The following PCNX1 variants were observed in gnomAD, a reference collection of about 807,000 sequenced individuals.
The protein encoded by PCNX1 is pecanex 1.
A neutral mutation model predicts 242.2 loss-of-function variants in PCNX1; 78 were observed. That is an observed-to-expected ratio of 0.32 (90% CI 0.27 to 0.39). The LOEUF (loss-of-function observed/expected upper bound fraction) is 0.39. Ranked by LOEUF, PCNX1 falls within the 10% of genes least tolerant of loss-of-function variation. PCNX1 has a pLI of 1.00. For synonymous variants in PCNX1, 1,024 were observed against 1,032.9 expected (o/e 0.99, Z 0.17); for missense variants, 2,581 against 2,856.5 (o/e 0.90, Z 2.20).
At chr14:71,036,910 C>A (rs1015519938) in intron 19 of PCNX1, among the ~76,000 whole-genome samples, 1 of 152,102 alleles carries the variant, frequency 6.6e-6, no homozygotes. Context: ...TTTATTCTTC[C>A]TACCCATGAG....
rs1241224113 is a variant in PCNX1 at position 70,962,324 on chromosome 14, G to C, written c.461G>C (p.Ser154Thr). 1 of 1,603,324 alleles carries C rather than the reference G, an allele frequency of 6.2e-7. No homozygotes were observed. Among genetic ancestry groups the C allele is most frequent in the Non-Finnish European group, 8.5e-7 (1 of 1,170,378 alleles). The part of the protein sequence containing the change: ...SRNSYAGLDP[S>T]NQIGSGSSRL... ...AATTCTTATGCCGGTCTAGATCCAA[G>C]CAACCAGGTAGGAACCTGCGCTGTT... Residue 154 changes from serine to threonine, a missense_variant, in exon 3 of 36, where the codon AGC (serine) becomes ACC (threonine). By Grantham distance (58) the Ser-to-Thr change is moderately conservative. Transcript: ENST00000304743.
intron 6 of PCNX1, among the ~76,000 whole-genome samples, chr14:70,979,567 CT>C (rs745355419): frequency 9.2e-5 from 14 of 152,056 alleles, no homozygotes; most frequent in African/African-American, 2.2e-4. Context: ...GCCTCTACCC[CT>C]ATTCCCTTTA....
At chr14:71,102,916 T>C (rs1351591580) in intron 31 of PCNX1, among the ~76,000 whole-genome samples, 3 of 152,190 alleles carry the variant, frequency 2.0e-5, no homozygotes, top group Non-Finnish European at 4.4e-5. Context: ...AGTTAAATAG[T>C]TCATTCTAAC....
Position 70,947,146 on chromosome 14 carries a change from T to C in PCNX1, c.362+23T>C, listed in dbSNP as rs900864114. The C allele has an allele frequency of 4.8e-6, 7 of 1,465,572 alleles. No homozygotes were observed. In the African/African-American group the frequency reaches 8.3e-5, roughly 17 times the overall value. 90.8% of individuals were successfully genotyped at this position (1,465,572 alleles called of 1,614,324 possible). A position where few individuals can be genotyped will look rare whatever the true frequency, so the allele number is the denominator to read the frequency against. On this transcript the variant is annotated intron_variant, in intron 2 of 35. Coordinates refer to ENST00000304743, the MANE Select transcript of PCNX1 (RefSeq NM_014982.3). ...GAGGTAAGGAAACCTATGTCATTGA[T>C]TGATCGTAATGATTTAGATTGTGTT...
At chr14:70,913,505 A>G (rs1025775944) in intron 1 of PCNX1, among the ~76,000 whole-genome samples, 4 of 152,214 alleles carry the variant, frequency 2.6e-5, no homozygotes, top group Admixed American at 2.6e-4. Flanking sequence ...TACATGATAT[A>G]TACAGTAATA....
intron 8 of PCNX1, among the ~76,000 whole-genome samples, chr14:70,997,553 G>T (rs535236752): frequency 6.6e-6 from 1 of 152,102 alleles, no homozygotes; most frequent in Non-Finnish European, 1.5e-5. Flanking sequence ...AACCTCTTCT[G>T]ATTGGAGACG....
At chr14:71,039,579 G>A (rs1315198018) in intron 19 of PCNX1, among the ~76,000 whole-genome samples, 2 of 152,156 alleles carry the variant, frequency 1.3e-5, no homozygotes, top group Non-Finnish European at 2.9e-5. Context: ...ATTCTGTTGT[G>A]CACATAGACT....
intron 7 of PCNX1, among the ~76,000 whole-genome samples, chr14:70,989,851 C>G (rs1595155920): frequency 6.6e-6 from 1 of 152,244 alleles, no homozygotes; most frequent in South Asian, 2.1e-4. Flanking sequence ...GATATACATA[C>G]TTTACATATG....
Position 70,995,732 on chromosome 14 carries a change from T to C in PCNX1, c.2445-9T>C. On this transcript the variant is annotated splice_polypyrimidine_tract_variant and intron_variant, in intron 7 of 35. Transcript: ENST00000304743. ...CTGTAATGTCTCCCCAATCCATGTT[T>C]TTTCCTAGCCTTCAAGATGGTCAGC... is the stretch of plus-strand genomic sequence containing the variant. The C allele has an allele frequency of 6.2e-7, 1 of 1,613,318 alleles. No individual in the cohort carries two copies. Among genetic ancestry groups the C allele is most frequent in the Non-Finnish European group, 8.5e-7 (1 of 1,179,382 alleles).
intron 32 of PCNX1, 73 bp downstream of exon 32, chr14:71,103,742 TG>T: frequency 7.0e-7 from 1 of 1,434,946 alleles, no homozygotes. Context: ...GTGCATCACC[TG>T]GGAAGCTTGT....
chr14:71,078,314 A>G (rs1181821653), intron 28 of PCNX1, among the ~76,000 whole-genome samples: 1 of 152,172 alleles, frequency 6.6e-6, no homozygotes, highest in African/African-American at 2.4e-5. Context: ...GGGGACATTA[A>G]TCAGGCCAGA....
chr14:71,033,804 T>A, intron 17 of PCNX1, 127 bp from the exon 18 acceptor site: 1 of 643,910 alleles, frequency 1.6e-6, no homozygotes, highest in Non-Finnish European at 2.8e-6. Flanking sequence ...CATTTTAGAA[T>A]TTCTCATTTG....
chr14:71,009,802 A>G (rs942702159), intron 9 of PCNX1, 78 bp downstream of exon 9: 1 of 771,946 alleles, frequency 1.3e-6, no homozygotes, highest in South Asian at 2.8e-5. Context: ...CTAGAACTAT[A>G]AAAGTTAATT....
At chr14:70,981,085 G>A (rs983872357) in intron 6 of PCNX1, among the ~76,000 whole-genome samples, 2 of 152,100 alleles carry the variant, frequency 1.3e-5, no homozygotes, top group Non-Finnish European at 2.9e-5. Context: ...GGGCTCCACT[G>A]TTGTGACTCT....
chr14:71,033,096 C>G (rs1178546171), intron 16 of PCNX1, among the ~76,000 whole-genome samples: 1 of 152,166 alleles, frequency 6.6e-6, no homozygotes, highest in African/African-American at 2.4e-5. Flanking sequence ...AAAAGGAACA[C>G]AGTTTACCAC....
chr14:70,925,298 A>G (rs779529068), intron 1 of PCNX1, among the ~76,000 whole-genome samples: 2 of 152,094 alleles, frequency 1.3e-5, no homozygotes, highest in African/African-American at 4.8e-5. Flanking sequence ...TTGCGTTTTT[A>G]CCTTATGTAA....
intron 26 of PCNX1, among the ~76,000 whole-genome samples, chr14:71,063,565 G>A (rs2061375507): frequency 6.6e-6 from 1 of 152,096 alleles, no homozygotes; most frequent in Admixed American, 6.6e-5. Context: ...ACATGTTGAT[G>A]TGATCTTTGG....
At chr14:70,972,265 A>T (rs1429064517) in intron 5 of PCNX1, among the ~76,000 whole-genome samples, 1 of 131,076 alleles carries the variant, frequency 7.6e-6, no homozygotes. Context: ...GGGGAGAGCA[A>T]GGGGGGTAAG....
rs902319656 is a variant in PCNX1, at chr14:70,995,990, T to C, written c.2629+65T>C. ...TAATGCAGCAGATGATGGGTAACAATTGCAGTTCTTTTTTGAGATAGTTTC... is the reference window on the plus strand; with the variant it reads ...TAATGCAGCAGATGATGGGTAACAACTGCAGTTCTTTTTTGAGATAGTTTC... On this transcript the variant is annotated intron_variant, in intron 8 of 35. Coordinates refer to ENST00000304743, the MANE Select transcript of PCNX1 (RefSeq NM_014982.3). 1.7e-5 allele frequency: 20 copies of C among 1,188,652 alleles called. No homozygotes were observed. The East Asian group carries it at 2.3e-4, about 14-fold the overall frequency. 73.6% of individuals were successfully genotyped at this position (1,188,652 alleles called of 1,614,324 possible).
Sources: allele counts gnomAD v4.1 joint callset (sites outside exome capture counted in the v4.1 genomes callset), GRCh38; gene constraint gnomAD v4.1.1; transcripts MANE v1.5; gene names NCBI Gene and HGNC (gene_info 2026-07-23, HGNC 2026-07-21).